Variants in NFATC2 observed in about 807,000 individuals in gnomAD.
NFATC2 encodes nuclear factor of activated T cells 2.
NFATC2 carries 22 observed loss-of-function variants against 87.3 expected under a neutral mutation model. The ratio of observed to expected loss-of-function variants is 0.25; its 90% confidence interval spans 0.18 to 0.36. The LOEUF is 0.36. Ranked by LOEUF, NFATC2 falls within the 10% of genes least tolerant of loss-of-function variation. The pLI is 1.00. For missense variants in NFATC2, 1,149 were observed against 1,259.1 expected (o/e 0.91, Z 1.32); for synonymous variants, 565 against 542.2 (o/e 1.04, Z -0.58).
At chr20:51,421,898 T>A (rs1980986633) in intron 9 of NFATC2, among the ~76,000 whole-genome samples, 1 of 150,580 alleles carries the variant, frequency 6.6e-6, no homozygotes. Context: ...GGTGCTTTCA[T>A]CAAGTTTGGG....
At position 51,480,919 on chromosome 20, in the gene NFATC2, A is replaced by C. The variant is rs1989199419; in HGVS notation, c.1333-5259T>G. Among the ~76,000 whole-genome samples, 1 of 152,192 alleles carries C rather than the reference A, an allele frequency of 6.6e-6. No homozygotes were observed. On this transcript the variant is annotated intron_variant, in intron 3 of 10. Coordinates refer to ENST00000371564, the MANE Select transcript of NFATC2 (RefSeq NM_012340.5). The surrounding 1 kb of genome is among the most constrained non-coding windows in gnomAD (Gnocchi z 4.2). ...GAAGAATGAATGTGAACAAAGTGAG[A>C]ACCAACGTGAAGGCCTCCCATATGG...
intron 5 of NFATC2, among the ~76,000 whole-genome samples, chr20:51,464,410 AAGC>A (rs1353870253): frequency 3.3e-5 from 5 of 152,234 alleles, no homozygotes; most frequent in African/African-American, 9.6e-5. Flanking sequence ...CCCCAGGACT[AAGC>A]AGCCAGTAAG....
rs1568664968 is a variant in NFATC2, at chr20:51,475,663, G to A, written c.1333-3C>T. ...TTGTTTTCCATGTAGCCATGGAGCTGGTGGGGGAGAAAACAAAATCATTAA... is the reference window on the plus strand; with the variant it reads ...TTGTTTTCCATGTAGCCATGGAGCTAGTGGGGGAGAAAACAAAATCATTAA... On this transcript the variant is annotated splice_polypyrimidine_tract_variant and splice_region_variant and intron_variant, in intron 3 of 10. Transcript: ENST00000371564. 1.2e-6 allele frequency: 2 copies of A among 1,613,970 alleles called. No homozygotes were observed. The highest frequency in any genetic ancestry group is 8.5e-7 in the Non-Finnish European group (1 of 1,179,930).
chr20:51,433,406 T>C (rs1284573544), intron 8 of NFATC2, among the ~76,000 whole-genome samples: 1 of 152,152 alleles, frequency 6.6e-6, no homozygotes, highest in African/African-American at 2.4e-5. Context: ...ATCTGTTACC[T>C]GGCAGGAACA....
chr20:51,500,667 ACCC>A (rs2076066713), intron 3 of NFATC2, among the ~76,000 whole-genome samples: 1 of 23,672 alleles, frequency 4.2e-5, no homozygotes, highest in Admixed American at 4.8e-4. Flanking sequence ...CTCCACCCCC[ACCC>A]TCACCACCAC....
At chr20:51,411,984 G>A (rs1243163496) in intron 9 of NFATC2, among the ~76,000 whole-genome samples, 1 of 152,070 alleles carries the variant, frequency 6.6e-6, no homozygotes. Context: ...TCACTATTAA[G>A]AGCCCCATTA....
At chr20:51,513,522 T>C (rs2076304869) in intron 3 of NFATC2, among the ~76,000 whole-genome samples, 2 of 152,170 alleles carry the variant, frequency 1.3e-5, no homozygotes, top group African/African-American at 4.8e-5. Context: ...GTCACATGCA[T>C]GAAGAGGCAA....
intron 6 of NFATC2, among the ~76,000 whole-genome samples, chr20:51,440,258 A>AAAAAAAAAG (rs1984152912): frequency 1.4e-5 from 2 of 141,552 alleles, no homozygotes; most frequent in African/African-American, 2.5e-5. Flanking sequence ...AAAAAAAAAA[A>AAAAAAAAAG]TGTTCAACAG....
Position 51,391,469 on chromosome 20 carries a change from A to AGGGGGGGG in NFATC2, c.*45-26_*45-19dup. ...TTCATTAACTACAAAAGAAAAGAGG[A>AGGGGGGGG]GGGGGGGGGAGAGAGAATGGGGCAA... On this transcript the variant is annotated intron_variant, in intron 10 of 10. Transcript: ENST00000371564. 9.2e-7 allele frequency: 1 copy of AGGGGGGGG among 1,088,236 alleles called. No homozygotes were observed. 67.4% of individuals were successfully genotyped at this position (1,088,236 alleles called of 1,614,324 possible).
intron 5 of NFATC2, among the ~76,000 whole-genome samples, chr20:51,455,577 C>G (rs1168594081): frequency 6.7e-6 from 1 of 150,196 alleles, no homozygotes. Flanking sequence ...TTATATGTAG[C>G]TTGTATTGGT....
chr20:51,435,111 A>G, intron 8 of NFATC2, 77 bp downstream of exon 8: 2 of 1,560,504 alleles, frequency 1.3e-6, no homozygotes, highest in Non-Finnish European at 1.7e-6. Flanking sequence ...CCCGGCTAGG[A>G]GCAGACTTCA....
intron 9 of NFATC2, among the ~76,000 whole-genome samples, chr20:51,403,032 AACATGGGACACACCTCCCCCCAAC>A (rs1988209347): frequency 6.6e-6 from 1 of 152,206 alleles, no homozygotes; most frequent in South Asian, 2.1e-4. Flanking sequence ...GCACAGGCCC[AACATGGGACACACCTCCCCCCAAC>A]ACATCCACAT....
intron 3 of NFATC2, among the ~76,000 whole-genome samples, chr20:51,481,014 G>A (rs868861339): frequency 6.6e-6 from 1 of 152,100 alleles, no homozygotes; most frequent in Non-Finnish European, 1.5e-5. Context: ...GAGTGTCAGA[G>A]GAAAGAGGGG....
intron 9 of NFATC2, among the ~76,000 whole-genome samples, chr20:51,400,686 C>T (rs1408223894): frequency 6.6e-6 from 1 of 152,178 alleles, no homozygotes; most frequent in African/African-American, 2.4e-5. Context: ...GAAATCAACT[C>T]GGGACCAGGC....
Position 51,480,289 on chromosome 20 carries a change from A to AAAAAAT in NFATC2, c.1333-4630_1333-4629insATTTTT, listed in dbSNP as rs1555803764. Reference sequence around the variant, plus strand: ...GGTCACAAAGCAAGACTCTGTCTCAAAAAAAATAGAATGTGCTTCCTGCCG... The same window carrying AAAAAAT: ...GGTCACAAAGCAAGACTCTGTCTCAAAAAAATAAAAAATAGAATGTGCTTCCTGCCG... On this transcript the variant is annotated intron_variant, in intron 3 of 10. Transcript: ENST00000371564. This position sits in a 1 kb window ranked among gnomAD's most constrained non-coding sequence, Gnocchi z 4.2. Among the ~76,000 whole-genome samples the AAAAAAT allele has an allele frequency of 6.6e-6, 1 of 151,578 alleles. No homozygotes were observed. Among genetic ancestry groups the AAAAAAT allele is most frequent in the Non-Finnish European group, 1.5e-5 (1 of 67,930 alleles).
At chr20:51,487,775 G>A (rs1202794831) in intron 3 of NFATC2, among the ~76,000 whole-genome samples, 2 of 151,300 alleles carry the variant, frequency 1.3e-5, no homozygotes, top group Non-Finnish European at 2.9e-5. Flanking sequence ...TCTGGATTCA[G>A]ACCAAAAATT....
At chr20:51,514,983 A>G (rs1307277988) in intron 3 of NFATC2, among the ~76,000 whole-genome samples, 3 of 152,230 alleles carry the variant, frequency 2.0e-5, no homozygotes, top group Non-Finnish European at 2.9e-5. Flanking sequence ...GCCCACCTTC[A>G]TTTCAGCTCT....
chr20:51,454,160 A>C (rs907401143), intron 6 of NFATC2, among the ~76,000 whole-genome samples: 1 of 152,234 alleles, frequency 6.6e-6, no homozygotes, highest in Admixed American at 6.5e-5. Flanking sequence ...AGCAGATAAC[A>C]AACCCAGAAT....
At chr20:51,464,997 C>T (rs1192462208) in intron 5 of NFATC2, among the ~76,000 whole-genome samples, 2 of 152,236 alleles carry the variant, frequency 1.3e-5, no homozygotes, top group African/African-American at 4.8e-5. Flanking sequence ...CACCTCTTCC[C>T]TGTCCTGTCC....
Sources: allele counts gnomAD v4.1 joint callset (sites outside exome capture counted in the v4.1 genomes callset), GRCh38; gene constraint gnomAD v4.1.1; non-coding constraint Gnocchi (gnomAD v3.1); transcripts MANE v1.5; gene names NCBI Gene and HGNC (gene_info 2026-07-23, HGNC 2026-07-21).